Variants in TMEM74 observed in about 807,000 individuals in gnomAD.
TMEM74 encodes the protein transmembrane protein 74.
In TMEM74, 13 loss-of-function variants were observed where a neutral mutation model predicts 18.1. That is an observed-to-expected ratio of 0.72 (90% CI 0.47 to 1.14). TMEM74 has a LOEUF of 1.14. TMEM74 is among the 50% of genes most tolerant of loss of function. The pLI is 0.00. For synonymous variants in TMEM74, 159 were observed against 146.6 expected, an observed-to-expected ratio of 1.08 and a Z score of -0.61; for missense variants, 372 against 375.9, an observed-to-expected ratio of 0.99 and a Z score of 0.09.
downstream of TMEM74, among the ~76,000 whole-genome samples, chr8:108,778,881 A>G (rs1814268376): frequency 6.6e-6 from 1 of 152,202 alleles, no homozygotes; most frequent in East Asian, 1.9e-4. Context: ...GAGAAACCCA[A>G]ATAACTTGGA....
chr8:108,704,189 G>T (rs960061748), intron 1 of TMEM74, among the ~76,000 whole-genome samples: 1 of 152,198 alleles, frequency 6.6e-6, no homozygotes, highest in Non-Finnish European at 1.5e-5. Flanking sequence ...TGCAAGAGGG[G>T]ACTGAAACCT....
intron 1 of TMEM74, among the ~76,000 whole-genome samples, chr8:108,671,820 C>A (rs1023104283): frequency 6.6e-6 from 1 of 151,994 alleles, no homozygotes; most frequent in Admixed American, 6.6e-5. Context: ...TGATAAATTA[C>A]TCTATAGATG....
At chr8:108,764,680 G>A (rs1403544649) in intron 1 of TMEM74, among the ~76,000 whole-genome samples, 1 of 152,086 alleles carries the variant, frequency 6.6e-6, no homozygotes, top group African/African-American at 2.4e-5. Context: ...CTCAGCTGGC[G>A]GAGGTCATGT....
At chr8:108,705,181 T>C (rs1813385144) in intron 1 of TMEM74, among the ~76,000 whole-genome samples, 2 of 152,184 alleles carry the variant, frequency 1.3e-5, no homozygotes, top group Admixed American at 1.3e-4. Flanking sequence ...TGTCAGCTTG[T>C]GATTAGCAGA....
At chr8:108,667,125 G>A (rs546004696) in intron 1 of TMEM74, among the ~76,000 whole-genome samples, 3 of 152,170 alleles carry the variant, frequency 2.0e-5, no homozygotes, top group East Asian at 1.9e-4. Flanking sequence ...TGTGCTTTTC[G>A]AAGTGGCCAG....
At chr8:108,694,082 G>T (rs1813257556) in intron 1 of TMEM74, among the ~76,000 whole-genome samples, 1 of 152,216 alleles carries the variant, frequency 6.6e-6, no homozygotes, top group Non-Finnish European at 1.5e-5. Flanking sequence ...TAGTGGTGAA[G>T]TCAGGGCTTT....
intron 1 of TMEM74, among the ~76,000 whole-genome samples, chr8:108,720,523 C>A (rs1379727986): frequency 6.6e-6 from 1 of 152,152 alleles, no homozygotes; most frequent in East Asian, 1.9e-4. Context: ...TCTAATAGTC[C>A]CCATAGCCAT....
intron 1 of TMEM74, among the ~76,000 whole-genome samples, chr8:108,740,979 TAATA>T (rs886789486): frequency 6.6e-6 from 1 of 152,148 alleles, no homozygotes; most frequent in African/African-American, 2.4e-5. Context: ...CCTAAATACT[TAATA>T]AACAGTGAAA....
At chr8:108,724,645 T>C (rs981852113) in intron 1 of TMEM74, among the ~76,000 whole-genome samples, 9 of 152,172 alleles carry the variant, frequency 5.9e-5, no homozygotes, top group Non-Finnish European at 2.9e-5. Flanking sequence ...TTTATTGATA[T>C]TTTAGGCAAA....
At chr8:108,710,136 T>G (rs1180066942) in intron 1 of TMEM74, among the ~76,000 whole-genome samples, 2 of 152,258 alleles carry the variant, frequency 1.3e-5, no homozygotes, top group African/African-American at 2.4e-5. Flanking sequence ...CCTAGCACAC[T>G]GACTGGCATG....
intron 2 of TMEM74, among the ~76,000 whole-genome samples, chr8:108,614,795 T>A (rs183041278): frequency 5.9e-5 from 9 of 152,274 alleles, no homozygotes; most frequent in Admixed American, 5.2e-4. Context: ...AGCATGTGAT[T>A]CATAGAAGAG....
chr8:108,631,998 A>G (rs1812557350), intron 2 of TMEM74, among the ~76,000 whole-genome samples: 1 of 152,010 alleles, frequency 6.6e-6, no homozygotes, highest in Non-Finnish European at 1.5e-5. Context: ...CCCAGGTAAG[A>G]TTTTGTTCCT....
chr8:108,620,669 G>T (rs1812430650), intron 2 of TMEM74, among the ~76,000 whole-genome samples: 1 of 152,118 alleles, frequency 6.6e-6, no homozygotes, highest in Non-Finnish European at 1.5e-5. Flanking sequence ...GTCTCGGAAA[G>T]ATATCGCTTA....
intron 1 of TMEM74, among the ~76,000 whole-genome samples, chr8:108,733,807 G>A (rs573901527): frequency 6.6e-6 from 1 of 152,286 alleles, no homozygotes; most frequent in African/African-American, 2.4e-5. Context: ...GAATGGCCCA[G>A]TGTGTGGCAC....
At chr8:108,748,049 A>G (rs559049541) in intron 1 of TMEM74, among the ~76,000 whole-genome samples, 28 of 152,234 alleles carry the variant, frequency 1.8e-4, no homozygotes, top group Middle Eastern at 6.8e-3. Flanking sequence ...TTTATAGTAG[A>G]AGAATGTATA....
intron 1 of TMEM74, among the ~76,000 whole-genome samples, chr8:108,675,760 G>T (rs1357210150): frequency 6.6e-6 from 1 of 152,228 alleles, no homozygotes; most frequent in Non-Finnish European, 1.5e-5. Flanking sequence ...ATTAGGAAAT[G>T]CTGAGTATGC....
At chr8:108,654,989 T>C (rs1385581948) in intron 2 of TMEM74, among the ~76,000 whole-genome samples, 2 of 152,162 alleles carry the variant, frequency 1.3e-5, no homozygotes, top group Non-Finnish European at 2.9e-5. Context: ...CTAATTACTA[T>C]AGGTTTTCAG....
chr8:108,744,286 A>G lies in TMEM74; in HGVS notation n.119+43190T>C, dbSNP rs887264903. Among the ~76,000 whole-genome samples, 17 of 152,166 alleles carry G rather than the reference A, an allele frequency of 1.1e-4. No homozygotes were observed. The East Asian group carries it at 1.5e-3, about 14-fold the overall frequency. ...CCCTACTCAAAATAACCAAAACAAA[A>G]CAAGACAAAATTTCAAATAATAATG... On this transcript the variant is annotated intron_variant and non_coding_transcript_variant, in intron 1 of 3. Transcript: ENST00000518838.
intron 2 of TMEM74, among the ~76,000 whole-genome samples, chr8:108,641,937 A>T (rs1357168174): frequency 6.6e-6 from 1 of 152,082 alleles, no homozygotes; most frequent in African/African-American, 2.4e-5. Context: ...TATCAGTGTA[A>T]TATATTAATA....
Sources: allele counts gnomAD v4.1 joint callset (sites outside exome capture counted in the v4.1 genomes callset), GRCh38; gene constraint gnomAD v4.1.1; transcripts MANE v1.5; gene names NCBI Gene and HGNC (gene_info 2026-07-23, HGNC 2026-07-21).